The following UHRF1 variants were observed in gnomAD, a reference collection of about 807,000 sequenced individuals.
The protein encoded by UHRF1 is E3 ubiquitin-protein ligase UHRF1.
UHRF1 carries 9 observed loss-of-function variants against 96.5 expected under a neutral mutation model. The ratio of observed to expected loss-of-function variants is 0.09; its 90% CI spans 0.06 to 0.16. The LOEUF is 0.16. Ranked by LOEUF, UHRF1 falls within the 10% of genes least tolerant of loss-of-function variation. The probability of loss-of-function intolerance (pLI) is 1.00; values close to 1 mark genes in which losing one functional copy is unlikely to be tolerated. For missense variants in UHRF1, 626 were observed against 1,131.1 expected, an observed-to-expected ratio of 0.55 and a Z score of 6.40; for synonymous variants, 455 against 469.9, an observed-to-expected ratio of 0.97 and a Z score of 0.41.
chr19:4,936,175 C>T (rs773500076), intron 5 of UHRF1, among the ~76,000 whole-genome samples: 9 of 152,180 alleles, frequency 5.9e-5, no homozygotes, highest in Non-Finnish European at 1.3e-4. Context: ...CCCTTGCCAG[C>T]CCCATGGGAG....
At position 4,941,570 on chromosome 19, in the gene UHRF1, A is replaced by T. The variant is rs746537375; in HGVS notation, c.828A>T (p.Glu276Asp). 1 of 1,613,832 alleles carries T rather than the reference A, an allele frequency of 6.2e-7. No homozygotes were observed. The highest frequency in any genetic ancestry group is 8.5e-7 in the Non-Finnish European group (1 of 1,179,830). ...ACTGTCGGATCATCTTCGTGGACGA[A>T]GTCTTCAAGATTGAGCGGCCGGGTG... ...LNDCRIIFVDEVFKIERPGEG... is the reference protein window; with the variant it reads ...LNDCRIIFVDDVFKIERPGEG... The change falls in exon 6 of 17, where the codon GAA (glutamate) becomes GAT (aspartate). Residue 276 changes from glutamate to aspartate, a missense_variant. Around this residue, in one of 11 missense-constraint regions of UHRF1, gnomAD observed 198 missense variants for 235.1 expected, o/e 0.84. Coordinates refer to ENST00000650932, the MANE Select transcript of UHRF1 (RefSeq NM_001048201.3).
rs74879365 is a variant in UHRF1, at chr19:4,950,063, G to C, written c.1518-548G>C. ...TTTTTTTTTTTTTTGTGGAGATGGG[G>C]TTTTGCCACGTTGGCCAGGCTGGTC... On this transcript the variant is annotated intron_variant, in intron 11 of 16. Transcript: ENST00000650932. 6.4e-3 allele frequency among the ~76,000 whole-genome samples: 966 copies of C among 150,206 alleles called. 15 individuals are homozygous for C. Among genetic ancestry groups the C allele is most frequent in the African/African-American group, 0.022 (899 of 40,730 alleles).
At chr19:4,923,977 CTCTT>C (rs139424822) in intron 2 of UHRF1, among the ~76,000 whole-genome samples, 7,931 of 152,144 alleles carry the variant, frequency 0.052, 239 homozygotes, top group Non-Finnish European at 0.067. Flanking sequence ...CTTGACTTCT[CTCTT>C]TTTAAGACGG....
intron 16 of UHRF1, among the ~76,000 whole-genome samples, chr19:4,958,497 A>G (rs967725894): frequency 2.0e-5 from 3 of 152,186 alleles, no homozygotes; most frequent in African/African-American, 7.2e-5. Context: ...GGGACATTGG[A>G]AACCATCTGT....
chr19:4,904,103 A>G (rs1045455716), intron 1 of UHRF1, among the ~76,000 whole-genome samples: 2 of 151,980 alleles, frequency 1.3e-5, no homozygotes, highest in African/African-American at 4.8e-5. Flanking sequence ...CAGCCTCCCA[A>G]GTAGCTGGGA....
At chr19:4,914,295 G>A (rs2032406457) in intron 2 of UHRF1, among the ~76,000 whole-genome samples, 1 of 152,280 alleles carries the variant, frequency 6.6e-6, no homozygotes. Flanking sequence ...CCCAGAGCGT[G>A]AAGTCTGCAG....
chr19:4,950,955 G>C lies in UHRF1; in HGVS notation c.1777G>C (p.Glu593Gln). The C allele has an allele frequency of 1.9e-6, 3 of 1,612,358 alleles. No individual in the cohort carries two copies. Among genetic ancestry groups the C allele is most frequent in the Non-Finnish European group, 2.5e-6 (3 of 1,179,834 alleles). ...DDDEPGPWTKEGKDRIKKLGL... is the reference protein window; with the variant it reads ...DDDEPGPWTKQGKDRIKKLGL... The stretch of plus-strand genomic sequence containing the variant: ...TGATGAGCCTGGCCCTTGGACGAAG[G>C]AGGGGAAGGACCGGATCAAGAAGCT... The change falls in exon 13 of 17, where the codon GAG becomes CAG. Residue 593 changes from glutamate to glutamine, a missense_variant. Coordinates refer to ENST00000650932, the MANE Select transcript of UHRF1 (RefSeq NM_001048201.3).
In UHRF1 at chr19:4,951,048, C is replaced by G. The variant is rs1005291624; in HGVS notation, c.1818+52C>G. 5 of 1,518,390 alleles carry G rather than the reference C, an allele frequency of 3.3e-6. No homozygotes were observed. In the East Asian group the frequency reaches 9.5e-5, roughly 29 times the overall value. The allele number at this position is 1,518,390 out of a possible 1,614,324, so 94.1% of individuals were successfully genotyped here. A position where few individuals can be genotyped will look rare whatever the true frequency, so the allele number is the denominator to read the frequency against. On this transcript the variant is annotated intron_variant, in intron 13 of 16. Coordinates refer to ENST00000650932, the MANE Select transcript of UHRF1 (RefSeq NM_001048201.3). ...TTGGGAGGCCAAGGCGGATGGATCA[C>G]TTACGTTAGGAGTTCAAGACCAGCC...
In UHRF1 at chr19:4,909,506, A is replaced by G; in HGVS notation, c.-160A>G. The G allele has an allele frequency of 1.5e-6, 1 of 657,846 alleles. No homozygotes were observed. Among genetic ancestry groups the G allele is most frequent in the East Asian group, 3.2e-5 (1 of 31,368 alleles). The allele number at this position is 657,846 out of a possible 1,614,324, so 40.8% of individuals were successfully genotyped here. On this transcript the variant is annotated 5_prime_UTR_variant, in exon 1 of 17. Coordinates refer to ENST00000650932, the MANE Select transcript of UHRF1 (RefSeq NM_001048201.3). The stretch of plus-strand genomic sequence containing the variant: ...GTTTTCGCGGGAAAAAAATCAGAGC[A>G]GCTGGCAGCGCGGCGGGCAGCGTTT...
chr19:4,928,815 A>G (rs939275414), intron 2 of UHRF1, among the ~76,000 whole-genome samples: 15 of 152,138 alleles, frequency 9.9e-5, no homozygotes, highest in Admixed American at 8.5e-4. Context: ...GACGTGGCCC[A>G]GCGTCCCCCG....
At chr19:4,957,629 C>T (rs17884117) in intron 16 of UHRF1, among the ~76,000 whole-genome samples, 3,608 of 152,186 alleles carry the variant, frequency 0.024, 143 homozygotes, top group African/African-American at 0.08. Context: ...GTTTTCAAAC[C>T]GATTGGTTTG....
At chr19:4,913,733 G>T (rs1477471630) in intron 2 of UHRF1, among the ~76,000 whole-genome samples, 1 of 149,608 alleles carries the variant, frequency 6.7e-6, no homozygotes, top group Non-Finnish European at 1.5e-5. Context: ...GTTATGAAAA[G>T]ATTCAGTGTT....
chr19:4,925,967 G>A (rs1405036497), intron 2 of UHRF1, among the ~76,000 whole-genome samples: 1 of 151,106 alleles, frequency 6.6e-6, no homozygotes, highest in South Asian at 2.1e-4. Context: ...GTGCAATCTC[G>A]GCTCACTGCA....
In UHRF1 at chr19:4,930,596, G is replaced by A. The variant is rs565013957; in HGVS notation, c.409-120G>A. 4.3e-5 allele frequency: 54 copies of A among 1,264,926 alleles called. No individual in the cohort carries two copies. The South Asian group carries it at 5.6e-4, about 13-fold the overall frequency. 78.4% of individuals were successfully genotyped at this position (1,264,926 alleles called of 1,614,324 possible). On this transcript the variant is annotated intron_variant, in intron 3 of 16. Transcript: ENST00000650932. The surrounding 1 kb of genome is among the most constrained non-coding windows in gnomAD (Gnocchi z 4.4). ...TTCCCAGCCAGGGAGGAGAAACCTC[G>A]CTGTGGGCATTCGAGTTTGCGCCCT...
chr19:4,906,132 A>G (rs2032059499), upstream of UHRF1, among the ~76,000 whole-genome samples: 1 of 151,998 alleles, frequency 6.6e-6, no homozygotes, highest in South Asian at 2.1e-4. Context: ...GCACACCACC[A>G]TGCCTGGCTA....
At chr19:4,935,699 T>C (rs1360586150) in intron 5 of UHRF1, among the ~76,000 whole-genome samples, 1 of 152,122 alleles carries the variant, frequency 6.6e-6, no homozygotes, top group Non-Finnish European at 1.5e-5. Flanking sequence ...TAGAGCATCG[T>C]GTGATGTGTC....
intron 11 of UHRF1, among the ~76,000 whole-genome samples, chr19:4,947,475 C>A (rs931839109): frequency 1.4e-5 from 2 of 138,832 alleles, no homozygotes; most frequent in African/African-American, 5.4e-5. Context: ...CTATAAAAGG[C>A]CAGATAATAG....
rs528144855 is a variant in UHRF1 at position 4,939,862 on chromosome 19, A to T, written c.786-1666A>T. Among the ~76,000 whole-genome samples the T allele has an allele frequency of 5.3e-5, 8 of 152,234 alleles. 1 individual carries two copies. In the East Asian group the frequency reaches 1.5e-3, roughly 29 times the overall value. The stretch of plus-strand genomic sequence containing the variant: ...ACACGGTGAAACCCCGTCTCTACTA[A>T]AAATACAAAAAATTAGCCAGGCGTG... On this transcript the variant is annotated intron_variant, in intron 5 of 16. Coordinates refer to ENST00000650932, the MANE Select transcript of UHRF1 (RefSeq NM_001048201.3).
Position 4,954,890 on chromosome 19 carries a change from T to G in UHRF1, c.2130+68T>G. The G allele has an allele frequency of 6.4e-7, 1 of 1,572,904 alleles. No homozygotes were observed. Among genetic ancestry groups the G allele is most frequent in the African/African-American group, 1.4e-5 (1 of 74,040 alleles). On this transcript the variant is annotated intron_variant, in intron 15 of 16. Transcript: ENST00000650932. This position sits in a 1 kb window ranked among gnomAD's most constrained non-coding sequence, Gnocchi z 5.9. Reference sequence around the variant, plus strand: ...TGCGGTAAAATGTGTGGGGCTTGTTTCCCATGTTCCCCATTTTCAAGTGTA... The same window carrying G: ...TGCGGTAAAATGTGTGGGGCTTGTTGCCCATGTTCCCCATTTTCAAGTGTA...
Sources: gnomAD v4.1 joint callset for allele counts (sites outside exome capture counted in the v4.1 genomes callset) on GRCh38, gnomAD v4.1.1 for gene constraint, gnomAD v4.1.1 regional missense constraint, Gnocchi (gnomAD v3.1) non-coding constraint, MANE v1.5 for transcripts, NCBI Gene and HGNC (gene_info 2026-07-23, HGNC 2026-07-21) for gene names.